The following SYK variants were observed in gnomAD, a reference collection of about 807,000 sequenced individuals.
SYK encodes the protein spleen associated tyrosine kinase, also known as tyrosine-protein kinase SYK.
A neutral mutation model predicts 77.8 loss-of-function variants in SYK; 16 were observed. The ratio of observed to expected loss-of-function variants is 0.21; its 90% CI spans 0.14 to 0.31. The LOEUF (loss-of-function observed/expected upper bound fraction) is 0.31. Ranked by LOEUF, SYK falls within the 10% of genes least tolerant of loss-of-function variation. SYK has a pLI of 1.00. For synonymous variants in SYK, 312 were observed against 308.7 expected (o/e 1.01, Z -0.11); for missense variants, 529 against 814.4 (o/e 0.65, Z 4.26).
chr9:90,889,116 C>G (rs1004448966), intron 13 of SYK, among the ~76,000 whole-genome samples: 2 of 152,208 alleles, frequency 1.3e-5, no homozygotes, highest in African/African-American at 4.8e-5. Flanking sequence ...AAGTGGTGGC[C>G]TCAGTCCACC....
chr9:90,818,571 C>T (rs2118382876), intron 1 of SYK, among the ~76,000 whole-genome samples: 1 of 152,326 alleles, frequency 6.6e-6, no homozygotes, highest in South Asian at 2.1e-4. Flanking sequence ...CAGCATCAGG[C>T]TCTGCTCATG....
At chr9:90,884,222 T>TATAC (rs1564120122) in intron 11 of SYK, among the ~76,000 whole-genome samples, 60 of 62,416 alleles carry the variant, frequency 9.6e-4, no homozygotes, top group East Asian at 6.2e-3. Context: ...TACACGCATA[T>TATAC]ACACATACAC....
intron 1 of SYK, among the ~76,000 whole-genome samples, chr9:90,833,588 C>T (rs1383881524): frequency 6.6e-6 from 1 of 152,134 alleles, no homozygotes; most frequent in Non-Finnish European, 1.5e-5. Flanking sequence ...AGCATCTGTG[C>T]CTAATCTTCC....
At chr9:90,884,599 A>C (rs531608827) in intron 11 of SYK, among the ~76,000 whole-genome samples, 1 of 58,226 alleles carries the variant, frequency 1.7e-5, no homozygotes, top group Non-Finnish European at 3.2e-5. Context: ...ATATGTGTAC[A>C]TGTACATATA....
intron 11 of SYK, among the ~76,000 whole-genome samples, chr9:90,884,924 T>TAC (rs1828496095): frequency 7.6e-6 from 1 of 130,756 alleles, no homozygotes; most frequent in African/African-American, 3.0e-5. Flanking sequence ...TACATATATA[T>TAC]ACATATGCAC....
chr9:90,818,357 G>A (rs986568415), intron 1 of SYK, among the ~76,000 whole-genome samples: 3 of 152,196 alleles, frequency 2.0e-5, no homozygotes, highest in African/African-American at 7.2e-5. Flanking sequence ...GACCAAAAAA[G>A]TTCCTGGGGC....
At chr9:90,884,299 A>G (rs1038525177) in intron 11 of SYK, among the ~76,000 whole-genome samples, 7 of 151,234 alleles carry the variant, frequency 4.6e-5, no homozygotes, top group Non-Finnish European at 7.4e-5. Context: ...ACATACGTGT[A>G]TATATACACA....
chr9:90,859,035 C>CT (rs1452493985), intron 3 of SYK, among the ~76,000 whole-genome samples: 6 of 152,226 alleles, frequency 3.9e-5, no homozygotes, highest in Non-Finnish European at 5.9e-5. Context: ...GGGTTGCTCT[C>CT]TATTTCCTCC....
At chr9:90,891,142 CTTTTTTTTT>C (rs750370621) in intron 13 of SYK, among the ~76,000 whole-genome samples, 21,732 of 119,102 alleles carry the variant, frequency 0.18, 1,849 homozygotes, top group South Asian at 0.25. Flanking sequence ...ATGTTGCCTG[CTTTTTTTTT>C]TTTTTTTTTT....
chr9:90,866,760 G>A (rs1827515532), intron 6 of SYK, among the ~76,000 whole-genome samples: 2 of 152,154 alleles, frequency 1.3e-5, no homozygotes, highest in Non-Finnish European at 2.9e-5. Flanking sequence ...CGTGGAACCA[G>A]CACCCACCAT....
At position 90,897,318 on chromosome 9, in the gene SYK, A is replaced by C. The variant is rs1236714457; in HGVS notation, c.*1718A>C. 2 of 230,684 alleles carry C rather than the reference A, an allele frequency of 8.7e-6. No homozygotes were observed. Among genetic ancestry groups the C allele is most frequent in the Admixed American group, 1.1e-4 (2 of 17,702 alleles). The allele number at this position is 230,684 out of a possible 1,614,324, so 14.3% of individuals were successfully genotyped here. A position where few individuals can be genotyped will look rare whatever the true frequency, so the allele number is the denominator to read the frequency against. ...AATCACACTATCTGGTGGTTTAATC[A>C]TATTTTTAAAGACAGAATCCCTGAG... is the stretch of plus-strand genomic sequence containing the variant. On this transcript the variant is annotated 3_prime_UTR_variant, in exon 14 of 14. Transcript: ENST00000375754.
At chr9:90,826,832 A>G (rs574163097) in intron 1 of SYK, among the ~76,000 whole-genome samples, 1 of 152,296 alleles carries the variant, frequency 6.6e-6, no homozygotes, top group Admixed American at 6.5e-5. Context: ...TGCTCTGTAA[A>G]GTTGCATCTG....
At chr9:90,853,438 A>C (rs143879297) in intron 3 of SYK, among the ~76,000 whole-genome samples, 3,819 of 152,066 alleles carry the variant, frequency 0.025, 168 homozygotes, top group East Asian at 0.22. Context: ...TTATTGCGGC[A>C]CTATTCACAA....
At chr9:90,821,807 G>GTACC (rs1284225077) in intron 1 of SYK, among the ~76,000 whole-genome samples, 2 of 152,060 alleles carry the variant, frequency 1.3e-5, no homozygotes. Context: ...GCTGTTTAGA[G>GTACC]TACCCCCAGC....
At chr9:90,807,180 C>T (rs1564064854) in intron 1 of SYK, among the ~76,000 whole-genome samples, 1 of 152,152 alleles carries the variant, frequency 6.6e-6, no homozygotes, top group African/African-American at 2.4e-5. Context: ...CCCTGCAGTG[C>T]GTTTGTTCTT....
At chr9:90,835,594 GAGGAGAGATGGGGA>G (rs970526260) in intron 1 of SYK, among the ~76,000 whole-genome samples, 9 of 152,340 alleles carry the variant, frequency 5.9e-5, no homozygotes, top group Non-Finnish European at 7.3e-5. Flanking sequence ...GGAAATGGAG[GAGGAGAGATGGGGA>G]AGGAGAGATG....
intron 1 of SYK, among the ~76,000 whole-genome samples, chr9:90,817,496 C>T (rs548107292): frequency 6.6e-6 from 1 of 152,208 alleles, no homozygotes; most frequent in Non-Finnish European, 1.5e-5. Context: ...ATATAATAGC[C>T]AACATTTCTT....
intron 1 of SYK, among the ~76,000 whole-genome samples, chr9:90,806,441 C>G (rs954629413): frequency 6.6e-6 from 1 of 151,110 alleles, no homozygotes; most frequent in African/African-American, 2.4e-5. Flanking sequence ...CACTATATTG[C>G]CCAGGCTAGT....
At chr9:90,882,590 G>C (rs1828198101) in intron 11 of SYK, among the ~76,000 whole-genome samples, 1 of 152,234 alleles carries the variant, frequency 6.6e-6, no homozygotes, top group Admixed American at 6.5e-5. Flanking sequence ...AGAATGCTTA[G>C]ATCATTTTTT....
Sources: gnomAD v4.1 joint callset for allele counts (sites outside exome capture counted in the v4.1 genomes callset) on GRCh38, gnomAD v4.1.1 for gene constraint, MANE v1.5 for transcripts, NCBI Gene and HGNC (gene_info 2026-07-23, HGNC 2026-07-21) for gene names.